The following SLFN5 variants were observed in gnomAD, a reference collection of about 807,000 sequenced individuals.
The protein encoded by SLFN5 is schlafen family member 5.
A neutral mutation model predicts 48.5 loss-of-function variants in SLFN5; 34 were observed. The ratio of observed to expected loss-of-function variants is 0.70; its 90% CI spans 0.53 to 0.93. The LOEUF (loss-of-function observed/expected upper bound fraction) is 0.93, where lower values mean the gene tolerates loss of function less well. Among genes scored for constraint, SLFN5 ranks in the 40% least tolerant of loss-of-function variants. SLFN5 has a pLI of 0.00. For synonymous variants in SLFN5, 387 were observed against 396.2 expected (o/e 0.98, Z 0.28); for missense variants, 1,006 against 1,071.3 (o/e 0.94, Z 0.85).
chr17:35,251,075 A>G (rs766231024), intron 1 of SLFN5, among the ~76,000 whole-genome samples: 12 of 152,144 alleles, frequency 7.9e-5, no homozygotes, highest in South Asian at 2.1e-4. Flanking sequence ...TTGAAAGTCC[A>G]AACATAAAGA....
chr17:35,269,698 C>T lies in SLFN5; in HGVS notation c.*3810C>T, dbSNP rs920200437. ...GAGTTGCACTTATTTAGTTTGCATA[C>T]CGTACTCAACTCTTAGCTAGCATAG... On this transcript the variant is annotated 3_prime_UTR_variant, in exon 5 of 5. Transcript: ENST00000299977. The T allele has an allele frequency of 2.0e-5, 3 of 152,118 alleles. No individual in the cohort carries two copies. Among genetic ancestry groups the T allele is most frequent in the Non-Finnish European group, 2.9e-5 (2 of 68,006 alleles). The allele number at this position is 152,118 out of a possible 1,614,324, so 9.4% of individuals were successfully genotyped here.
chr17:35,258,483 G>T (rs1268229649), intron 1 of SLFN5, among the ~76,000 whole-genome samples, 168 bp from the exon 2 acceptor site: 1 of 152,128 alleles, frequency 6.6e-6, no homozygotes, highest in Non-Finnish European at 1.5e-5. Flanking sequence ...TACAACATGT[G>T]GGAATTATGG....
At chr17:35,243,846 T>A (rs2092424686) in intron 1 of SLFN5, among the ~76,000 whole-genome samples, 2 of 152,222 alleles carry the variant, frequency 1.3e-5, no homozygotes, top group African/African-American at 4.8e-5. Flanking sequence ...GACACACAGA[T>A]GCTTGGAGAC....
At chr17:35,261,229 A>G in intron 3 of SLFN5, 133 bp downstream of exon 3, 1 of 1,027,494 alleles carries the variant, frequency 9.7e-7, no homozygotes, top group East Asian at 2.8e-5. Flanking sequence ...CAAACCTTTA[A>G]AACTTTTAGT....
Position 35,264,221 on chromosome 17 carries a change from T to C in SLFN5, c.1177T>C (p.Tyr393His), listed in dbSNP as rs1904605825. ...DRVVYTPESL[Y>H]KELFSQHKGL... The stretch of plus-strand genomic sequence containing the variant: ...AGTGGTATATACTCCAGAAAGCCTC[T>C]ACAAGGAACTCTTCTCACAACATAA... The change falls in exon 4 of 5, where the codon TAC (tyrosine) becomes CAC (histidine). Residue 393 changes from tyrosine (Y) to histidine (H), a missense_variant. By Grantham distance (83) the Tyr-to-His change is moderately conservative. Coordinates refer to ENST00000299977, the MANE Select transcript of SLFN5 (RefSeq NM_144975.4). 1.2e-6 allele frequency: 2 copies of C among 1,613,130 alleles called. No individual in the cohort carries two copies. Among genetic ancestry groups the C allele is most frequent in the South Asian group, 1.1e-5 (1 of 91,014 alleles).
rs1162428853 is a variant in SLFN5, at chr17:35,262,195, A to G, written c.1138+1099A>G. Among the ~76,000 whole-genome samples, 3 of 152,114 alleles carry G rather than the reference A, an allele frequency of 2.0e-5. No individual in the cohort carries two copies. The South Asian group carries it at 6.2e-4, about 32-fold the overall frequency. On this transcript the variant is annotated intron_variant, in intron 3 of 4. Transcript: ENST00000299977. ...AGAGATCGAGACCATCCTGGCTAAC[A>G]CAGTGAAACCCTGTCTCTACTAAAA... is the stretch of plus-strand genomic sequence containing the variant.
At chr17:35,256,320 C>T (rs1453227116) in intron 1 of SLFN5, among the ~76,000 whole-genome samples, 1 of 152,306 alleles carries the variant, frequency 6.6e-6, no homozygotes. Flanking sequence ...GATCACACCA[C>T]TGCACTCCAG....
At chr17:35,257,532 C>T (rs1269779805) in intron 1 of SLFN5, among the ~76,000 whole-genome samples, 2 of 147,134 alleles carry the variant, frequency 1.4e-5, no homozygotes, top group African/African-American at 5.0e-5. Flanking sequence ...ATCCTTTGTT[C>T]CCGCTGGAGT....
chr17:35,271,936 T>C lies in SLFN5; in HGVS notation c.*6048T>C, dbSNP rs1164026524. On this transcript the variant is annotated 3_prime_UTR_variant, in exon 5 of 5. Coordinates refer to ENST00000299977, the MANE Select transcript of SLFN5 (RefSeq NM_144975.4). ...GTCCTAGCTACTCGGGAGGCTGAGG[T>C]GGGAGAATCACCCAAGCCTTGGGAG... The C allele has an allele frequency of 6.6e-6, 1 of 151,422 alleles. No individual in the cohort carries two copies. Among genetic ancestry groups the C allele is most frequent in the African/African-American group, 2.4e-5 (1 of 41,122 alleles). 9.4% of individuals were successfully genotyped at this position (151,422 alleles called of 1,614,324 possible). A position where few individuals can be genotyped will look rare whatever the true frequency, so the allele number is the denominator to read the frequency against.
chr17:35,245,530 C>T (rs2092428687), intron 1 of SLFN5, among the ~76,000 whole-genome samples: 1 of 152,186 alleles, frequency 6.6e-6, no homozygotes, highest in African/African-American at 2.4e-5. Flanking sequence ...TATATACTAT[C>T]AGAAAATAGA....
intron 1 of SLFN5, among the ~76,000 whole-genome samples, chr17:35,254,629 A>T (rs974533650): frequency 4.6e-5 from 7 of 152,208 alleles, no homozygotes; most frequent in Non-Finnish European, 1.0e-4. Flanking sequence ...CCCAGCATCC[A>T]TTACTGCAGG....
intron 1 of SLFN5, among the ~76,000 whole-genome samples, chr17:35,246,460 G>GCCCCCTCCT (rs992013311): frequency 1.3e-5 from 2 of 152,072 alleles, no homozygotes; most frequent in Non-Finnish European, 2.9e-5. Flanking sequence ...TCCTCCTGTT[G>GCCCCCTCCT]CCCCCTCCTC....
chr17:35,269,203 G>T lies in SLFN5; in HGVS notation c.*3315G>T, dbSNP rs1384158797. On this transcript the variant is annotated 3_prime_UTR_variant, in exon 5 of 5. Coordinates refer to ENST00000299977, the MANE Select transcript of SLFN5 (RefSeq NM_144975.4). ...ATTCTAGTACAAAGGCAGCACATGG[G>T]TATTTTTGAACATAAAAGAGTTCTA... 2 of 152,076 alleles carry T rather than the reference G, an allele frequency of 1.3e-5. No individual in the cohort carries two copies. Among genetic ancestry groups the T allele is most frequent in the African/African-American group, 2.4e-5 (1 of 41,412 alleles). The allele number at this position is 152,076 out of a possible 1,614,324, so 9.4% of individuals were successfully genotyped here.
At position 35,266,471 on chromosome 17, in the gene SLFN5, A is replaced by G. The variant is rs1250684433; in HGVS notation, c.*583A>G. On this transcript the variant is annotated 3_prime_UTR_variant, in exon 5 of 5. Coordinates refer to ENST00000299977, the MANE Select transcript of SLFN5 (RefSeq NM_144975.4). The stretch of plus-strand genomic sequence containing the variant: ...AGACTGTTTTTTGCAAGACCACATT[A>G]TATTACTTTATTATTTTCTGCTTTT... The G allele has an allele frequency of 1.3e-5, 2 of 152,170 alleles. No individual in the cohort carries two copies. Among genetic ancestry groups the G allele is most frequent in the African/African-American group, 4.8e-5 (2 of 41,408 alleles). 9.4% of individuals were successfully genotyped at this position (152,170 alleles called of 1,614,324 possible).
chr17:35,263,179 G>A (rs576954348), intron 3 of SLFN5, among the ~76,000 whole-genome samples: 1 of 152,132 alleles, frequency 6.6e-6, no homozygotes, highest in Non-Finnish European at 1.5e-5. Context: ...TGTGCAGGCT[G>A]GAGTGCAGTG....
At chr17:35,250,921 C>A (rs1487352623) in intron 1 of SLFN5, among the ~76,000 whole-genome samples, 2 of 152,136 alleles carry the variant, frequency 1.3e-5, no homozygotes. Flanking sequence ...TAAAGATTAT[C>A]CGAAGTTATT....
In SLFN5 at chr17:35,265,355, G is replaced by A; in HGVS notation, c.2143G>A (p.Ala715Thr). The A allele has an allele frequency of 1.2e-6, 2 of 1,614,174 alleles. No individual in the cohort carries two copies. Among genetic ancestry groups the A allele is most frequent in the East Asian group, 2.2e-5 (1 of 44,882 alleles). The change falls in exon 5 of 5, where the codon GCA becomes ACA. Residue 715 changes from alanine to threonine, a missense_variant. Transcript: ENST00000299977. ...REEINRVVRN[A>T]GPIANYLQQV... ...AGAGATCAACAGAGTGGTCCGCAATGCAGGTCCAATAGCTAATTACCTACA... is the reference window on the plus strand; with the variant it reads ...AGAGATCAACAGAGTGGTCCGCAATACAGGTCCAATAGCTAATTACCTACA...
In SLFN5 at chr17:35,264,380, C is replaced by T. The variant is rs1567792400; in HGVS notation, c.1336C>T (p.Gln446Ter). 6.2e-7 allele frequency: 1 copy of T among 1,614,096 alleles called. No individual in the cohort carries two copies. Among genetic ancestry groups the T allele is most frequent in the African/African-American group, 1.3e-5 (1 of 75,010 alleles). Residue 446 changes from glutamine to a stop codon, truncating the protein, a stop_gained, in exon 4 of 5, where the codon CAG becomes TAG. Transcript: ENST00000299977. LOFTEE classifies it high-confidence loss of function. ...CATCTGTGATGCTCTTCTAATTTCC[C>T]AGAACAACACCCCTATTCTCTACAC... ...GVICDALLIS[Q>*]NNTPILYTIF...
At position 35,266,171 on chromosome 17, in the gene SLFN5, T is replaced by C. The variant is rs1048330752; in HGVS notation, c.*283T>C. Reference sequence around the variant, plus strand: ...GTGTGTGTGTGTGTGTGTGTGTGTGTGTGTGTGCGCGCGCGCACGTGCACA... The same window carrying C: ...GTGTGTGTGTGTGTGTGTGTGTGTGCGTGTGTGCGCGCGCGCACGTGCACA... On this transcript the variant is annotated 3_prime_UTR_variant, in exon 5 of 5. Coordinates refer to ENST00000299977, the MANE Select transcript of SLFN5 (RefSeq NM_144975.4). 846 of 272,544 alleles carry C rather than the reference T, an allele frequency of 3.1e-3. 9 individuals carry two copies. Among genetic ancestry groups the C allele is most frequent in the African/African-American group, 0.02 (791 of 39,686 alleles). The allele number at this position is 272,544 out of a possible 1,614,324, so 16.9% of individuals were successfully genotyped here. A position where few individuals can be genotyped will look rare whatever the true frequency, so the allele number is the denominator to read the frequency against.
Sources: allele counts gnomAD v4.1 joint callset (sites outside exome capture counted in the v4.1 genomes callset), GRCh38; gene constraint gnomAD v4.1.1; transcripts MANE v1.5; gene names NCBI Gene and HGNC (gene_info 2026-07-23, HGNC 2026-07-21).